Variants in ZFPM2 observed in about 807,000 individuals in gnomAD.
The protein encoded by ZFPM2 is zinc finger protein ZFPM2.
A neutral mutation model predicts 98.6 loss-of-function variants in ZFPM2; 20 were observed. That is an observed-to-expected ratio of 0.20 (90% CI 0.14 to 0.29). ZFPM2 has a LOEUF of 0.29. Among genes scored for constraint, ZFPM2 ranks in the 10% least tolerant of loss-of-function variants. ZFPM2 has a pLI of 1.00. For synonymous variants in ZFPM2, 518 were observed against 502.7 expected, an observed-to-expected ratio of 1.03 and a Z score of -0.41; for missense variants, 1,310 against 1,388.6, an observed-to-expected ratio of 0.94 and a Z score of 0.90.
chr8:105,750,689 C>T lies in ZFPM2; in HGVS notation c.533-38029C>T, dbSNP rs140936117. On this transcript the variant is annotated intron_variant, in intron 5 of 7. Coordinates refer to ENST00000407775, the MANE Select transcript of ZFPM2 (RefSeq NM_012082.4). The stretch of plus-strand genomic sequence containing the variant: ...TACACTTTGAACTGTTTTCTTAAGC[C>T]TGAAATGAGCAACAGTAATACTCAT... Among the ~76,000 whole-genome samples the T allele has an allele frequency of 2.7e-3, 403 of 152,002 alleles. 1 individual carries two copies. The highest frequency in any genetic ancestry group is 8.4e-3 in the African/African-American group (347 of 41,488).
Position 105,646,928 on chromosome 8 carries a change from A to T in ZFPM2, c.532+12571A>T, listed in dbSNP as rs149828577. On this transcript the variant is annotated intron_variant, in intron 5 of 7. Coordinates refer to ENST00000407775, the MANE Select transcript of ZFPM2 (RefSeq NM_012082.4). ...GGCTCTATACGCCAGTTTTCCAAAG[A>T]TTAAACCTCCATCTCCTAACAGTGG... is the stretch of plus-strand genomic sequence containing the variant. 1.9e-3 allele frequency among the ~76,000 whole-genome samples: 296 copies of T among 152,260 alleles called. 2 individuals are homozygous for T. The highest frequency in any genetic ancestry group is 1.7e-3 in the East Asian group (9 of 5,178).
rs775648923 is a variant in ZFPM2 at position 105,803,500 on chromosome 8, T to G, written c.3418T>G (p.Phe1140Val). The change falls in exon 8 of 8, where the codon TTT (phenylalanine) becomes GTT (valine). Residue 1140 changes from phenylalanine to valine, a missense_variant. Transcript: ENST00000407775. ...NLSNFITHKK[F>V]YCSSHAAEHV... ...TTCAAACTTTATAACTCACAAGAAG[T>G]TTTATTGCTCATCACATGCAGCAGA... The G allele has an allele frequency of 1.6e-5, 25 of 1,611,952 alleles. No individual in the cohort carries two copies. Among genetic ancestry groups the G allele is most frequent in the Admixed American group, 5.0e-5 (3 of 59,762 alleles).
intron 1 of ZFPM2, among the ~76,000 whole-genome samples, chr8:105,416,727 T>A (rs1811686534): frequency 6.6e-6 from 1 of 151,938 alleles, no homozygotes; most frequent in South Asian, 2.1e-4. Flanking sequence ...ATAAAAATAA[T>A]AGTAATTATT....
At chr8:105,487,047 G>C (rs939578089) in intron 3 of ZFPM2, among the ~76,000 whole-genome samples, 1 of 152,008 alleles carries the variant, frequency 6.6e-6, no homozygotes, top group Non-Finnish European at 1.5e-5. Flanking sequence ...CTTGGTTTTT[G>C]GTGCTTTCAT....
Position 105,635,512 on chromosome 8 carries a change from A to G in ZFPM2, c.532+1155A>G, listed in dbSNP as rs1322673998. ...GATCTGATTATACTTTTTTCCTTCT[A>G]TAATTACTGGTCCCATACCCACTAA... On this transcript the variant is annotated intron_variant, in intron 5 of 7. Transcript: ENST00000407775. Among the ~76,000 whole-genome samples, 5 of 151,614 alleles carry G rather than the reference A, an allele frequency of 3.3e-5. No homozygotes were observed. In the East Asian group the frequency reaches 5.8e-4, roughly 18 times the overall value.
chr8:105,585,890 G>T (rs1815701215), intron 4 of ZFPM2, among the ~76,000 whole-genome samples: 1 of 151,786 alleles, frequency 6.6e-6, no homozygotes, highest in Non-Finnish European at 1.5e-5. Context: ...ATTTTAGGAT[G>T]AAAAAATAGA....
chr8:105,389,900 G>A (rs1382670612), intron 1 of ZFPM2, among the ~76,000 whole-genome samples: 1 of 152,136 alleles, frequency 6.6e-6, no homozygotes, highest in African/African-American at 2.4e-5. Context: ...CTTCTTTAGG[G>A]TGCAGATTTG....
intron 5 of ZFPM2, among the ~76,000 whole-genome samples, chr8:105,651,518 G>T (rs1156721): frequency 0.48 from 71,814 of 150,860 alleles, 17,377 homozygotes; most frequent in African/African-American, 0.56. Context: ...TCTACCCTTG[G>T]ACATCATATT....
chr8:105,528,568 C>G (rs1459223992), intron 3 of ZFPM2, among the ~76,000 whole-genome samples: 2 of 152,000 alleles, frequency 1.3e-5, no homozygotes, highest in African/African-American at 2.4e-5. Context: ...TTTCCTGACA[C>G]CAGGTGACAG....
At chr8:105,543,063 G>A (rs13253965) in intron 3 of ZFPM2, among the ~76,000 whole-genome samples, 9,147 of 152,148 alleles carry the variant, frequency 0.06, 386 homozygotes, top group East Asian at 0.16. Context: ...CATAATTAAA[G>A]GCAATACAAG....
chr8:105,343,498 A>G (rs191736761), intron 1 of ZFPM2, among the ~76,000 whole-genome samples: 2 of 152,300 alleles, frequency 1.3e-5, no homozygotes, highest in Admixed American at 6.5e-5. Flanking sequence ...GAGAACTCCT[A>G]TAGAAAAGGA....
chr8:105,566,655 G>C (rs938323360), intron 4 of ZFPM2, among the ~76,000 whole-genome samples: 1 of 152,144 alleles, frequency 6.6e-6, no homozygotes. Context: ...AATTTAAATG[G>C]CGTTTGCCCT....
At chr8:105,800,826 A>G (rs1458085535) in intron 7 of ZFPM2, among the ~76,000 whole-genome samples, 1 of 152,170 alleles carries the variant, frequency 6.6e-6, no homozygotes, top group South Asian at 2.1e-4. Flanking sequence ...TTCCACTTTG[A>G]TGCCATAATA....
At chr8:105,522,838 T>G (rs1814092863) in intron 3 of ZFPM2, among the ~76,000 whole-genome samples, 1 of 152,236 alleles carries the variant, frequency 6.6e-6, no homozygotes, top group South Asian at 2.1e-4. Flanking sequence ...TCTATTTAGC[T>G]GTGTACCTTT....
chr8:105,467,325 G>T (rs776616333), intron 3 of ZFPM2, among the ~76,000 whole-genome samples: 1 of 152,070 alleles, frequency 6.6e-6, no homozygotes, highest in Non-Finnish European at 1.5e-5. Flanking sequence ...AGCAAATGAG[G>T]ATGATAATAT....
chr8:105,783,789 G>T (rs532490685), intron 5 of ZFPM2, among the ~76,000 whole-genome samples: 1 of 152,040 alleles, frequency 6.6e-6, no homozygotes, highest in African/African-American at 2.4e-5. Flanking sequence ...CTCTATCAAT[G>T]GATACTTCCA....
At chr8:105,722,117 A>G (rs1326464963) in intron 5 of ZFPM2, among the ~76,000 whole-genome samples, 1 of 151,756 alleles carries the variant, frequency 6.6e-6, no homozygotes, top group African/African-American at 2.4e-5. Flanking sequence ...TATGGCTAAT[A>G]TTATATTAAT....
At position 105,383,436 on chromosome 8, in the gene ZFPM2, A is replaced by G. The variant is rs373451827; in HGVS notation, c.41-35708A>G. Reference sequence around the variant, plus strand: ...AGCCGAATTCTTGGTCCAATGACAAATAAATCTTATGTGGTGTATTATTTT... The same window carrying G: ...AGCCGAATTCTTGGTCCAATGACAAGTAAATCTTATGTGGTGTATTATTTT... On this transcript the variant is annotated intron_variant, in intron 1 of 7. Transcript: ENST00000407775. Among the ~76,000 whole-genome samples, 3 of 152,282 alleles carry G rather than the reference A, an allele frequency of 2.0e-5. No individual in the cohort carries two copies. The East Asian group carries it at 5.8e-4, about 29-fold the overall frequency.
intron 1 of ZFPM2, among the ~76,000 whole-genome samples, chr8:105,350,346 C>G (rs1347502798): frequency 6.6e-6 from 1 of 152,270 alleles, no homozygotes; most frequent in Non-Finnish European, 1.5e-5. Context: ...ACATGGCAAT[C>G]TACTCCACAT....
Sources: allele counts gnomAD v4.1 joint callset (sites outside exome capture counted in the v4.1 genomes callset), GRCh38; gene constraint gnomAD v4.1.1; transcripts MANE v1.5; gene names NCBI Gene and HGNC (gene_info 2026-07-23, HGNC 2026-07-21).